The following TAB1 variants were observed in gnomAD, a reference collection of about 807,000 sequenced individuals.
TAB1 encodes TGF-beta-activated kinase 1 and MAP3K7-binding protein 1.
In TAB1, 30 loss-of-function variants were observed where a neutral mutation model predicts 54.5. The observed-to-expected ratio is 0.55, with a 90% CI of 0.41 to 0.75. TAB1 has a LOEUF of 0.75. Ranked by LOEUF, TAB1 falls within the 30% of genes least tolerant of loss-of-function variation. The pLI is 0.00. For synonymous variants in TAB1, 289 were observed against 286.9 expected (o/e 1.01, Z -0.07); for missense variants, 609 against 683.2 (o/e 0.89, Z 1.21).
In TAB1 at chr22:39,417,867, C is replaced by T. The variant is rs1284867250; in HGVS notation, c.550+18C>T. The T allele has an allele frequency of 1.9e-6, 3 of 1,592,738 alleles. No individual in the cohort carries two copies. Among genetic ancestry groups the T allele is most frequent in the Non-Finnish European group, 2.6e-6 (3 of 1,169,932 alleles). ...CAATGTCGGTGAGCCCCCTCCTGTC[C>T]CAGGGCAGGGAGGACTGGGGAGAGG... On this transcript the variant is annotated intron_variant, in intron 5 of 10. Transcript: ENST00000216160.
downstream of TAB1, among the ~76,000 whole-genome samples, chr22:39,435,674 C>A (rs1370909307): frequency 6.6e-6 from 1 of 152,200 alleles, no homozygotes; most frequent in East Asian, 1.9e-4. Context: ...TTCCCCACCA[C>A]CACCCTGACA....
chr22:39,411,134 T>C (rs1926589207), intron 1 of TAB1, among the ~76,000 whole-genome samples: 1 of 152,166 alleles, frequency 6.6e-6, no homozygotes, highest in Non-Finnish European at 1.5e-5. Context: ...TAAACCTCCT[T>C]CCTACCTTAC....
At chr22:39,436,538 A>G (rs768391725), downstream of TAB1, 20 of 1,614,124 alleles carry the variant, frequency 1.2e-5, no homozygotes, top group East Asian at 1.1e-4. Flanking sequence ...CTCAGTGCCA[A>G]CTAAACCTCC....
At chr22:39,409,159 G>A (rs996161339) in intron 1 of TAB1, among the ~76,000 whole-genome samples, 1 of 152,058 alleles carries the variant, frequency 6.6e-6, no homozygotes, top group Non-Finnish European at 1.5e-5. Context: ...GACTTCTTTG[G>A]CCATCTTTTC....
chr22:39,434,394 G>C (rs1053354951), downstream of TAB1, among the ~76,000 whole-genome samples: 2 of 152,256 alleles, frequency 1.3e-5, no homozygotes, highest in African/African-American at 4.8e-5. Context: ...CTTCACAGCC[G>C]AAGTGCAGAC....
chr22:39,427,814 G>A (rs1042951221), intron 9 of TAB1, among the ~76,000 whole-genome samples: 7 of 152,120 alleles, frequency 4.6e-5, no homozygotes, highest in Non-Finnish European at 8.8e-5. Context: ...TTCTCAGCCC[G>A]GCCTGGAAGA....
intron 1 of TAB1, among the ~76,000 whole-genome samples, chr22:39,401,036 A>G (rs1445965019): frequency 7.0e-6 from 1 of 143,792 alleles, no homozygotes; most frequent in Non-Finnish European, 1.5e-5. Flanking sequence ...CTGTGTCTCA[A>G]AAAAAAAAAA....
chr22:39,430,137 G>C lies in TAB1; in HGVS notation c.1430G>C (p.Arg477Pro), dbSNP rs749285152. Reference sequence around the variant, plus strand: ...TCGCTCCCGCCTGGCGAGGACGGTCGTGTTGAGCCCTATGTGGACTTTGCT... The same window carrying C: ...TCGCTCCCGCCTGGCGAGGACGGTCCTGTTGAGCCCTATGTGGACTTTGCT... ...AHSLPPGEDG[R>P]VEPYVDFAEF... is the part of the protein sequence containing the mutation. The change falls in exon 11 of 11, where the codon CGT becomes CCT. Residue 477 changes from arginine (R) to proline (P), a missense_variant. Arg to Pro is a moderately radical substitution (Grantham distance 103). Transcript: ENST00000216160. 1 of 1,614,018 alleles carries C rather than the reference G, an allele frequency of 6.2e-7. No homozygotes were observed.
chr22:39,432,694 C>T (rs1927632418), downstream of TAB1: 2 of 957,682 alleles, frequency 2.1e-6, no homozygotes, highest in Non-Finnish European at 2.5e-6. Context: ...CAGGTTCAGG[C>T]ACAGTCCTGG....
In TAB1 at chr22:39,430,565, C is replaced by G. The variant is rs936794895; in HGVS notation, c.*343C>G. On this transcript the variant is annotated 3_prime_UTR_variant, in exon 11 of 11. Coordinates refer to ENST00000216160, the MANE Select transcript of TAB1 (RefSeq NM_006116.3). ...GCCTCCTACAGAGCAGGAAGAGGCG[C>G]CCTGTGAACCCTGAGTGTTGCAGGC... is the stretch of plus-strand genomic sequence containing the variant. 9 of 1,181,162 alleles carry G rather than the reference C, an allele frequency of 7.6e-6. No homozygotes were observed. In the African/African-American group the frequency reaches 1.4e-4, roughly 18 times the overall value. The allele number at this position is 1,181,162 out of a possible 1,614,324, so 73.2% of individuals were successfully genotyped here. A position where few individuals can be genotyped will look rare whatever the true frequency, so the allele number is the denominator to read the frequency against.
downstream of TAB1, chr22:39,433,454 A>AT (rs1172710406): frequency 1.9e-4 from 158 of 830,760 alleles, no homozygotes; most frequent in Non-Finnish European, 2.0e-4. Flanking sequence ...CCCTGTCTCA[A>AT]GAAAAAAAAA....
chr22:39,408,210 G>A (rs943179326), intron 1 of TAB1, among the ~76,000 whole-genome samples: 5 of 152,182 alleles, frequency 3.3e-5, no homozygotes, highest in Admixed American at 2.0e-4. Context: ...GAAATATCTA[G>A]ACACTATTCA....
At chr22:39,403,640 C>CT (rs35800128) in intron 1 of TAB1, among the ~76,000 whole-genome samples, 85,385 of 137,342 alleles carry the variant, frequency 0.62, 27,435 homozygotes, top group East Asian at 0.93. Flanking sequence ...AAAAATCCCT[C>CT]TTTTTTTTTT....
At chr22:39,436,679 C>T (rs1406861171), downstream of TAB1, 4 of 889,502 alleles carry the variant, frequency 4.5e-6, no homozygotes, top group African/African-American at 1.7e-5. Flanking sequence ...GGCCAGGCCC[C>T]GCCCCCTCCC....
chr22:39,436,553 C>T, downstream of TAB1: 1 of 1,613,754 alleles, frequency 6.2e-7, no homozygotes, highest in Admixed American at 1.7e-5. Flanking sequence ...ACCTCCTGGG[C>T]AGCCTGACCC....
At chr22:39,419,972 C>T (rs1046400934) in intron 7 of TAB1, among the ~76,000 whole-genome samples, 1 of 124,472 alleles carries the variant, frequency 8.0e-6, no homozygotes, top group Non-Finnish European at 1.7e-5. Flanking sequence ...TGGAGTTGAG[C>T]TGGGCCAAAG....
downstream of TAB1, among the ~76,000 whole-genome samples, chr22:39,434,581 G>A (rs17001110): frequency 4.1e-3 from 619 of 152,390 alleles, 2 homozygotes; most frequent in Non-Finnish European, 6.7e-3. Context: ...CCCGAGCAGA[G>A]ACAGGCGCTT....
At chr22:39,428,691 C>T (rs1467574655) in intron 10 of TAB1, among the ~76,000 whole-genome samples, 1 of 152,210 alleles carries the variant, frequency 6.6e-6, no homozygotes, top group Non-Finnish European at 1.5e-5. Context: ...CACCCCACCC[C>T]CTTCACTTCC....
chr22:39,432,266 TCACCAGGGCGGAGGC>T (rs1927615785), downstream of TAB1, among the ~76,000 whole-genome samples: 3 of 152,300 alleles, frequency 2.0e-5, no homozygotes, highest in South Asian at 6.2e-4. Flanking sequence ...GGTGCTCAGG[TCACCAGGGCGGAGGC>T]CTTGCCCTCT....
Sources: gnomAD v4.1 joint callset for allele counts (sites outside exome capture counted in the v4.1 genomes callset) on GRCh38, gnomAD v4.1.1 for gene constraint, MANE v1.5 for transcripts, NCBI Gene and HGNC (gene_info 2026-07-23, HGNC 2026-07-21) for gene names.